The following PDZRN4 variants were observed in gnomAD, a reference collection of about 807,000 sequenced individuals.
PDZRN4 encodes PDZ domain-containing RING finger protein 4.
In PDZRN4, 70 loss-of-function variants were observed where a neutral mutation model predicts 99.0. The observed-to-expected ratio is 0.71, with a 90% confidence interval of 0.58 to 0.86. The LOEUF is 0.86. Ranked by LOEUF, PDZRN4 falls within the 40% of genes least tolerant of loss-of-function variation. The pLI is 0.00. For synonymous variants in PDZRN4, 551 were observed against 501.6 expected (o/e 1.10, Z -1.32); for missense variants, 1,474 against 1,331.2 (o/e 1.11, Z -1.67).
intron 3 of PDZRN4, among the ~76,000 whole-genome samples, chr12:41,478,765 C>T (rs1409168094): frequency 1.3e-5 from 2 of 152,162 alleles, no homozygotes; most frequent in Non-Finnish European, 2.9e-5. Context: ...CACATACACA[C>T]ACCACATACA....
intron 3 of PDZRN4, among the ~76,000 whole-genome samples, chr12:41,474,870 G>A (rs1953025322): frequency 6.6e-6 from 1 of 152,164 alleles, no homozygotes; most frequent in Non-Finnish European, 1.5e-5. Flanking sequence ...CTCTGAGGAT[G>A]CACAATTGAT....
chr12:41,418,013 A>G (rs1449559130), intron 3 of PDZRN4, among the ~76,000 whole-genome samples: 2 of 152,208 alleles, frequency 1.3e-5, no homozygotes, highest in Non-Finnish European at 2.9e-5. Context: ...GCAACATACC[A>G]CTTGTATAAT....
chr12:41,566,615 C>A (rs1487025457), intron 8 of PDZRN4, among the ~76,000 whole-genome samples: 1 of 152,130 alleles, frequency 6.6e-6, no homozygotes, highest in Admixed American at 6.6e-5. Flanking sequence ...TAATAGATAT[C>A]ATGAAATCTA....
intron 3 of PDZRN4, among the ~76,000 whole-genome samples, chr12:41,360,939 AGT>A (rs10522706): frequency 0.018 from 2,672 of 150,422 alleles, 51 homozygotes; most frequent in African/African-American, 0.052. Flanking sequence ...GAATAAGTAA[AGT>A]GTGTGTGTGT....
chr12:41,336,384 A>G (rs1385916428), intron 3 of PDZRN4, among the ~76,000 whole-genome samples: 3 of 152,132 alleles, frequency 2.0e-5, no homozygotes, highest in Non-Finnish European at 2.9e-5. Flanking sequence ...CTCTGGTCCA[A>G]TCAGTGGCCA....
At position 41,573,682 on chromosome 12, in the gene PDZRN4, T is replaced by G; in HGVS notation, c.2903T>G (p.Leu968Ter). Residue 968 changes from leucine (L) to a stop codon, truncating the protein, a stop_gained, in exon 10 of 10, where the codon TTA (leucine) becomes TGA (stop). Coordinates refer to ENST00000402685, the MANE Select transcript of PDZRN4 (RefSeq NM_001164595.2). LOFTEE classifies it high-confidence loss of function. ...CGTGAGTTCATGATGCGAAGCAGGT[T>G]AGAGTGTCTCAAGGAGAGCCCTCAG... Reference protein sequence around the residue: ...RRREFMMRSRLECLKESPQSG... With the variant: ...RRREFMMRSR 6.2e-7 allele frequency: 1 copy of G among 1,614,006 alleles called. No individual in the cohort carries two copies. The highest frequency in any genetic ancestry group is 8.5e-7 in the Non-Finnish European group (1 of 1,179,990).
chr12:41,414,372 G>A (rs1952425482), intron 3 of PDZRN4, among the ~76,000 whole-genome samples: 1 of 151,940 alleles, frequency 6.6e-6, no homozygotes, highest in East Asian at 1.9e-4. Flanking sequence ...GCAAGATTAG[G>A]GAAATTTTCT....
intron 3 of PDZRN4, among the ~76,000 whole-genome samples, chr12:41,289,027 G>A (rs965045857): frequency 6.6e-6 from 1 of 151,766 alleles, no homozygotes; most frequent in Non-Finnish European, 1.5e-5. Context: ...AGAAATACTA[G>A]ATGGAAAACA....
intron 3 of PDZRN4, among the ~76,000 whole-genome samples, chr12:41,430,150 T>C (rs1192912352): frequency 6.6e-6 from 1 of 152,198 alleles, no homozygotes; most frequent in Admixed American, 6.5e-5. Context: ...CACTTATGTC[T>C]TCCTTATTCA....
chr12:41,324,070 G>A (rs1364337550), intron 3 of PDZRN4, among the ~76,000 whole-genome samples: 1 of 151,982 alleles, frequency 6.6e-6, no homozygotes, highest in African/African-American at 2.4e-5. Flanking sequence ...TATGAAATAG[G>A]ATGTTGTTTG....
intron 6 of PDZRN4, among the ~76,000 whole-genome samples, chr12:41,553,764 G>GA (rs1181755131): frequency 1.3e-5 from 2 of 151,980 alleles, no homozygotes; most frequent in Non-Finnish European, 2.9e-5. Context: ...ACTTATATGT[G>GA]AAAAACATAT....
At chr12:41,420,381 T>C (rs1469211573) in intron 3 of PDZRN4, among the ~76,000 whole-genome samples, 2 of 152,214 alleles carry the variant, frequency 1.3e-5, no homozygotes, top group African/African-American at 4.8e-5. Flanking sequence ...TACTGTCTCC[T>C]AGAATTATCA....
chr12:41,260,700 A>C (rs1951232233), intron 3 of PDZRN4, among the ~76,000 whole-genome samples: 1 of 151,796 alleles, frequency 6.6e-6, no homozygotes, highest in Non-Finnish European at 1.5e-5. Context: ...GCCCACTATG[A>C]GTCTAGATAA....
intron 3 of PDZRN4, among the ~76,000 whole-genome samples, chr12:41,428,045 G>A (rs988809898): frequency 2.0e-5 from 3 of 152,066 alleles, no homozygotes; most frequent in East Asian, 1.9e-4. Flanking sequence ...CCAAGATTAC[G>A]CCATTGCACT....
intron 3 of PDZRN4, among the ~76,000 whole-genome samples, chr12:41,213,873 A>G (rs574945923): frequency 4.6e-5 from 7 of 152,160 alleles, no homozygotes; most frequent in South Asian, 4.1e-4. Flanking sequence ...AGCTGCTTCT[A>G]GTATAGAAGA....
At chr12:41,563,688 T>C (rs374687364) in intron 8 of PDZRN4, 39 bp downstream of exon 8, 17 of 1,287,522 alleles carry the variant, frequency 1.3e-5, no homozygotes, top group Non-Finnish European at 1.8e-5. Context: ...CTGAACTTTA[T>C]ATTCATTGAA....
chr12:41,414,540 T>G (rs1952427325), intron 3 of PDZRN4, among the ~76,000 whole-genome samples: 1 of 151,970 alleles, frequency 6.6e-6, no homozygotes, highest in African/African-American at 2.4e-5. Context: ...TCCCTTTATT[T>G]TTGTCTGAAA....
chr12:41,527,307 T>C (rs17129441), intron 5 of PDZRN4, among the ~76,000 whole-genome samples: 9,807 of 152,196 alleles, frequency 0.064, 798 homozygotes, highest in East Asian at 0.17. Flanking sequence ...GACTGGACCA[T>C]GGGCAGGACC....
intron 3 of PDZRN4, among the ~76,000 whole-genome samples, chr12:41,499,163 G>A (rs1312196965): frequency 6.6e-6 from 1 of 152,006 alleles, no homozygotes; most frequent in Non-Finnish European, 1.5e-5. Context: ...GAGTCTTGGG[G>A]ACTGGATAAA....
Sources: allele counts gnomAD v4.1 joint callset (sites outside exome capture counted in the v4.1 genomes callset), GRCh38; gene constraint gnomAD v4.1.1; transcripts MANE v1.5; gene names NCBI Gene and HGNC (gene_info 2026-07-23, HGNC 2026-07-21).